Variants in KIF26A observed in about 807,000 individuals in gnomAD.
KIF26A encodes kinesin-like protein KIF26A.
A neutral mutation model predicts 126.0 loss-of-function variants in KIF26A; 74 were observed. That is an observed-to-expected ratio of 0.59 (90% confidence interval 0.49 to 0.71). The LOEUF (loss-of-function observed/expected upper bound fraction) is 0.71. Among genes scored for constraint, KIF26A ranks in the 30% least tolerant of loss-of-function variants. The pLI is 0.00. For synonymous variants in KIF26A, 1,445 were observed against 1,232.7 expected, an observed-to-expected ratio of 1.17 and a Z score of -3.61; for missense variants, 2,984 against 2,763.3, an observed-to-expected ratio of 1.08 and a Z score of -1.79.
Position 104,177,582 on chromosome 14 carries a change from G to A in KIF26A, c.4794G>A (p.Val1598=), listed in dbSNP as rs530446802. ...SDSGHDSGVN[V]GEERPPTGPA... is the part of the protein sequence containing the mutation. The stretch of plus-strand genomic sequence containing the variant: ...GCGGCCATGACAGCGGCGTGAACGT[G>A]GGGGAGGAGCGGCCACCCACGGGCC... Residue 1598 remains valine, a synonymous_variant, in exon 12 of 15, where the codon GTG becomes GTA. Coordinates refer to ENST00000423312, the MANE Select transcript of KIF26A (RefSeq NM_015656.2). 6 of 1,533,998 alleles carry A rather than the reference G, an allele frequency of 3.9e-6. No homozygotes were observed. The highest frequency in any genetic ancestry group is 1.7e-6 in the Non-Finnish European group (2 of 1,145,242).
At chr14:104,145,514 C>T (rs747802008) in intron 2 of KIF26A, among the ~76,000 whole-genome samples, 3 of 152,340 alleles carry the variant, frequency 2.0e-5, no homozygotes, top group East Asian at 1.9e-4. Flanking sequence ...CTCAGCTCAG[C>T]GCGCTGCATT....
chr14:104,139,790 A>G (rs2037620349), intron 2 of KIF26A, among the ~76,000 whole-genome samples: 2 of 152,224 alleles, frequency 1.3e-5, no homozygotes, highest in South Asian at 4.1e-4. Context: ...CTCCTCTCCC[A>G]GCCTCAAGGA....
At position 104,177,856 on chromosome 14, in the gene KIF26A, G is replaced by A. The variant is rs774899978; in HGVS notation, c.5068G>A (p.Ala1690Thr). The A allele has an allele frequency of 1.2e-5, 18 of 1,558,456 alleles. No individual in the cohort carries two copies. Among genetic ancestry groups the A allele is most frequent in the South Asian group, 5.8e-5 (5 of 85,832 alleles). Residue 1690 changes from alanine (A) to threonine (T), a missense_variant, in exon 12 of 15, where the codon GCC (alanine) becomes ACC (threonine). By Grantham distance (58) the Ala-to-Thr change is moderately conservative. Transcript: ENST00000423312. Reference sequence around the variant, plus strand: ...CGAGAGTGGGGCTGCCTCCCCAGGCGCCCGCACCCGCAGCCTCAAGTCCCC... The same window carrying A: ...CGAGAGTGGGGCTGCCTCCCCAGGCACCCGCACCCGCAGCCTCAAGTCCCC... ...MSESGAASPGARTRSLKSPKK... is the reference protein window; with the variant it reads ...MSESGAASPGTRTRSLKSPKK...
intron 4 of KIF26A, among the ~76,000 whole-genome samples, chr14:104,158,207 T>G (rs1044144772): frequency 2.0e-5 from 3 of 152,242 alleles, no homozygotes; most frequent in African/African-American, 7.2e-5. Flanking sequence ...CTGCCTGAGT[T>G]GGAGCCTGGT....
chr14:104,157,281 G>T (rs942037579), intron 3 of KIF26A, among the ~76,000 whole-genome samples: 1 of 152,202 alleles, frequency 6.6e-6, no homozygotes, highest in African/African-American at 2.4e-5. Flanking sequence ...ATCACCGTAC[G>T]TGGGGCAATT....
intron 3 of KIF26A, among the ~76,000 whole-genome samples, chr14:104,155,769 G>A (rs746359260): frequency 3.9e-5 from 6 of 152,250 alleles, no homozygotes; most frequent in African/African-American, 7.2e-5. Context: ...CCAGCTGGCC[G>A]CAGGCCTGTA....
intron 2 of KIF26A, among the ~76,000 whole-genome samples, chr14:104,147,015 G>A (rs934587443): frequency 1.3e-5 from 2 of 152,092 alleles, no homozygotes; most frequent in African/African-American, 4.8e-5. Context: ...GCCTGGGGCC[G>A]CTGGGAGGCA....
intron 2 of KIF26A, among the ~76,000 whole-genome samples, chr14:104,140,880 G>T (rs2037631606): frequency 6.6e-6 from 1 of 152,196 alleles, no homozygotes; most frequent in Non-Finnish European, 1.5e-5. Context: ...CTCAGCCAGG[G>T]CTTTGTTCTG....
intron 3 of KIF26A, among the ~76,000 whole-genome samples, chr14:104,156,551 T>C (rs2141099032): frequency 6.6e-6 from 1 of 152,238 alleles, no homozygotes; most frequent in South Asian, 2.1e-4. Context: ...TTCGCAGACA[T>C]GGTTCTGTTC....
intron 4 of KIF26A, among the ~76,000 whole-genome samples, chr14:104,160,348 C>G (rs928515432): frequency 2.6e-5 from 4 of 152,188 alleles, no homozygotes; most frequent in Non-Finnish European, 4.4e-5. Flanking sequence ...GGGCACCAGC[C>G]TCAGGCTGCC....
intron 3 of KIF26A, among the ~76,000 whole-genome samples, chr14:104,156,006 C>G (rs1467435995): frequency 6.6e-6 from 1 of 152,222 alleles, no homozygotes; most frequent in Non-Finnish European, 1.5e-5. Context: ...CCCAGGATGC[C>G]AAATGTGGCC....
At chr14:104,174,394 T>A (rs1596148739) in intron 11 of KIF26A, 84 bp downstream of exon 11, 2 of 1,353,836 alleles carry the variant, frequency 1.5e-6, no homozygotes, top group Non-Finnish European at 1.9e-6. Context: ...CTGGTTGGGG[T>A]GGGGGTCAGC....
rs1275046759 is a variant in KIF26A, at chr14:104,167,017, A to C, written c.1082A>C (p.Lys361Thr). The C allele has an allele frequency of 1.9e-6, 3 of 1,579,904 alleles. 1 individual carries two copies. The highest frequency in any genetic ancestry group is 2.6e-6 in the Non-Finnish European group (3 of 1,164,168). Residue 361 changes from lysine (K) to threonine (T), a missense_variant, in exon 5 of 15, where the codon AAG becomes ACG. Transcript: ENST00000423312. ...CCCTGCCTGCTCAGGGCCGCCTCCA[A>C]GACCAAGGACAACCCTGGCAGCATC... ...APPCLLRAAS[K>T]TKDNPGSIGK... is the part of the protein sequence containing the mutation.
intron 3 of KIF26A, among the ~76,000 whole-genome samples, chr14:104,153,390 C>T (rs942373254): frequency 2.7e-5 from 4 of 146,316 alleles, no homozygotes; most frequent in East Asian, 1.9e-4. Flanking sequence ...TTGGCACCTA[C>T]ACCCTTCCAC....
Position 104,177,366 on chromosome 14 carries a change from C to G in KIF26A, c.4578C>G (p.Ser1526Arg). ...CTACGGCCTCTGTGACGGGCAGGAG[C>G]CCTGGCGGCCCTGTGGCCGGTCCCA... ...KLSTASVTGR[S>R]PGGPVAGPRA... The change falls in exon 12 of 15, where the codon AGC becomes AGG. Residue 1526 changes from serine to arginine, a missense_variant. By Grantham distance (110) the Ser-to-Arg change is moderately radical (BLOSUM62 -1). Coordinates refer to ENST00000423312, the MANE Select transcript of KIF26A (RefSeq NM_015656.2). 6.7e-7 allele frequency: 1 copy of G among 1,484,030 alleles called. No homozygotes were observed. Among genetic ancestry groups the G allele is most frequent in the Non-Finnish European group, 8.9e-7 (1 of 1,120,846 alleles). The allele number at this position is 1,484,030 out of a possible 1,614,324, so 91.9% of individuals were successfully genotyped here.
At chr14:104,157,171 C>A (rs530340071) in intron 3 of KIF26A, among the ~76,000 whole-genome samples, 2 of 152,128 alleles carry the variant, frequency 1.3e-5, no homozygotes, top group Non-Finnish European at 2.9e-5. Context: ...CGTTTAATTA[C>A]GTTTGTGCTT....
chr14:104,157,986 A>C, intron 4 of KIF26A, 44 bp downstream of exon 4: 1 of 1,456,252 alleles, frequency 6.9e-7, no homozygotes, highest in Non-Finnish European at 9.1e-7. Context: ...GCAGGGCCCC[A>C]TGGCCCCGGC....
Position 104,177,513 on chromosome 14 carries a change from C to T in KIF26A, c.4725C>T (p.Ala1575=). The T allele has an allele frequency of 6.5e-7, 1 of 1,535,210 alleles. No individual in the cohort carries two copies. The highest frequency in any genetic ancestry group is 1.4e-5 in the African/African-American group (1 of 72,938). Residue 1575 remains alanine (A), a synonymous_variant, in exon 12 of 15, where the codon GCC becomes GCT. Coordinates refer to ENST00000423312, the MANE Select transcript of KIF26A (RefSeq NM_015656.2). ...TCCATGAGCTGTCAGCCAGTGGAGCCCCGGGCCGAGGTGGCTCCTCGTGGG... is the reference window on the plus strand; with the variant it reads ...TCCATGAGCTGTCAGCCAGTGGAGCTCCGGGCCGAGGTGGCTCCTCGTGGG... ...SRVHELSASG[A]PGRGGSSWGS...
chr14:104,169,956 G>C (rs568336472), intron 5 of KIF26A, among the ~76,000 whole-genome samples: 2 of 152,318 alleles, frequency 1.3e-5, no homozygotes, highest in Admixed American at 1.3e-4. Flanking sequence ...GCTGGGACCA[G>C]GGCAGTGTGG....
Sources: allele counts gnomAD v4.1 joint callset (sites outside exome capture counted in the v4.1 genomes callset), GRCh38; gene constraint gnomAD v4.1.1; transcripts MANE v1.5; gene names NCBI Gene and HGNC (gene_info 2026-07-23, HGNC 2026-07-21).